The following RAP1GDS1 variants were observed in gnomAD, a reference collection of about 807,000 sequenced individuals.
RAP1GDS1 encodes Rap1 GTPase-GDP dissociation stimulator 1.
Under a neutral mutation model 71.1 loss-of-function variants are expected in RAP1GDS1, and 35 were observed. The ratio of observed to expected loss-of-function variants is 0.49; its 90% CI spans 0.38 to 0.65. The LOEUF (loss-of-function observed/expected upper bound fraction) is 0.65, where lower values mean the gene tolerates loss of function less well. Ranked by LOEUF, RAP1GDS1 falls within the 30% of genes least tolerant of loss-of-function variation. RAP1GDS1 has a pLI of 0.00. For synonymous variants in RAP1GDS1, 229 were observed against 243.1 expected (o/e 0.94, Z 0.54); for missense variants, 663 against 706.1 (o/e 0.94, Z 0.69).
chr4:98,409,092 G>GA (rs1746608275), intron 7 of RAP1GDS1, among the ~76,000 whole-genome samples: 2 of 152,170 alleles, frequency 1.3e-5, no homozygotes, highest in African/African-American at 4.8e-5. Context: ...TTTATGATGT[G>GA]ATTATGCATA....
intron 7 of RAP1GDS1, among the ~76,000 whole-genome samples, chr4:98,414,968 C>T (rs555699599): frequency 2.0e-5 from 3 of 152,072 alleles, no homozygotes; most frequent in African/African-American, 4.8e-5. Flanking sequence ...ATTTTATTCT[C>T]TTTGAAGCAA....
intron 2 of RAP1GDS1, among the ~76,000 whole-genome samples, chr4:98,303,660 A>AAT (rs1342829404): frequency 6.7e-6 from 1 of 148,288 alleles, no homozygotes; most frequent in Admixed American, 6.8e-5. Flanking sequence ...AATATAATAT[A>AAT]ATATAATTGG....
chr4:98,352,673 G>A lies in RAP1GDS1; in HGVS notation c.361+72G>A. 2.0e-6 allele frequency: 3 copies of A among 1,535,084 alleles called. No individual in the cohort carries two copies. The South Asian group carries it at 3.7e-5, about 19-fold the overall frequency. ...GATATTCAGACTAATCTGCTTTTGT[G>A]TTAGCAGTGACTTTTCTAGGCTAAA... On this transcript the variant is annotated intron_variant, in intron 4 of 14. Coordinates refer to ENST00000408927, the MANE Select transcript of RAP1GDS1 (RefSeq NM_001100427.2).
At position 98,443,160 on chromosome 4, in the gene RAP1GDS1, AGAAAG is replaced by A. The variant is rs1752097313; in HGVS notation, c.*1049_*1053del. On this transcript the variant is annotated 3_prime_UTR_variant, in exon 15 of 15. Coordinates refer to ENST00000408927, the MANE Select transcript of RAP1GDS1 (RefSeq NM_001100427.2). ...GAAGAAATAAGCTTGTCTAGACTAA[AGAAAG>A]GAAAGCAGGTTATAAAAGCCATAGT... 1 of 231,914 alleles carries A rather than the reference AGAAAG, an allele frequency of 4.3e-6. No individual in the cohort carries two copies. The highest frequency in any genetic ancestry group is 2.2e-5 in the African/African-American group (1 of 45,166). The allele number at this position is 231,914 out of a possible 1,614,324, so 14.4% of individuals were successfully genotyped here. A position where few individuals can be genotyped will look rare whatever the true frequency, so the allele number is the denominator to read the frequency against.
At position 98,312,417 on chromosome 4, in the gene RAP1GDS1, A is replaced by G. The variant is rs1159166582; in HGVS notation, c.112+18902A>G. On this transcript the variant is annotated intron_variant, in intron 2 of 14. Coordinates refer to ENST00000408927, the MANE Select transcript of RAP1GDS1 (RefSeq NM_001100427.2). ...TTGGTCCTATTTCTAGCTCCTAGAT[A>G]AACATACAATGTGCTTTCTCCCTAA... Among the ~76,000 whole-genome samples, 7 of 152,318 alleles carry G rather than the reference A, an allele frequency of 4.6e-5. No homozygotes were observed. In the East Asian group the frequency reaches 1.3e-3, roughly 29 times the overall value.
At chr4:98,309,273 ATTC>A (rs1233708356) in intron 2 of RAP1GDS1, among the ~76,000 whole-genome samples, 2 of 152,036 alleles carry the variant, frequency 1.3e-5, no homozygotes, top group African/African-American at 4.8e-5. Flanking sequence ...ATTGAAGTAA[ATTC>A]TTCTCCTTTG....
intron 4 of RAP1GDS1, among the ~76,000 whole-genome samples, chr4:98,375,770 A>T (rs902749485): frequency 1.3e-5 from 2 of 152,172 alleles, no homozygotes; most frequent in Non-Finnish European, 2.9e-5. Flanking sequence ...TCATTAAAAA[A>T]TTCTTGAGTA....
chr4:98,433,667 G>A (rs778837437), intron 12 of RAP1GDS1, among the ~76,000 whole-genome samples: 14 of 152,062 alleles, frequency 9.2e-5, no homozygotes, highest in Non-Finnish European at 1.6e-4. Flanking sequence ...TTACTTCTTT[G>A]GCTTTGGTAG....
At chr4:98,330,446 G>T (rs1248539519) in intron 2 of RAP1GDS1, among the ~76,000 whole-genome samples, 3 of 150,166 alleles carry the variant, frequency 2.0e-5, no homozygotes, top group African/African-American at 7.4e-5. Flanking sequence ...CCGGGCAGAG[G>T]CACTCCTCAC....
intron 1 of RAP1GDS1, among the ~76,000 whole-genome samples, chr4:98,274,916 T>C (rs72892355): frequency 0.019 from 2,952 of 152,166 alleles, 103 homozygotes; most frequent in African/African-American, 0.068. Flanking sequence ...CTGGAAACAT[T>C]GGTGGCTACA....
intron 1 of RAP1GDS1, among the ~76,000 whole-genome samples, chr4:98,279,876 G>A (rs1274413375): frequency 6.6e-6 from 1 of 152,162 alleles, no homozygotes; most frequent in Admixed American, 6.5e-5. Flanking sequence ...TTCTGTCCTT[G>A]TGATAGTTTG....
chr4:98,429,112 G>T (rs1750022703), intron 12 of RAP1GDS1, among the ~76,000 whole-genome samples: 1 of 152,104 alleles, frequency 6.6e-6, no homozygotes, highest in Admixed American at 6.5e-5. Flanking sequence ...CAAAAAATTA[G>T]CCAGGCATGG....
intron 1 of RAP1GDS1, among the ~76,000 whole-genome samples, chr4:98,282,442 G>A (rs1725261461): frequency 6.6e-6 from 1 of 152,116 alleles, no homozygotes; most frequent in African/African-American, 2.4e-5. Context: ...ATTTCTGTGG[G>A]ATCGGTGGTG....
intron 1 of RAP1GDS1, among the ~76,000 whole-genome samples, chr4:98,267,592 T>C (rs138571287): frequency 1.1e-3 from 174 of 152,274 alleles, no homozygotes; most frequent in African/African-American, 3.9e-3. Context: ...TGAGAACATG[T>C]GGTATTTGGA....
chr4:98,407,694 G>C (rs1018684065), intron 7 of RAP1GDS1, among the ~76,000 whole-genome samples: 5 of 152,094 alleles, frequency 3.3e-5, no homozygotes, highest in African/African-American at 1.2e-4. Context: ...AGATGAGGGG[G>C]TGAGGGGTAA....
At chr4:98,378,929 AAAG>A in intron 4 of RAP1GDS1, 85 bp from the exon 5 acceptor site, 1 of 1,214,916 alleles carries the variant, frequency 8.2e-7, no homozygotes, top group South Asian at 1.6e-5. Context: ...TTCACAAAAT[AAAG>A]AATAACACTG....
intron 2 of RAP1GDS1, among the ~76,000 whole-genome samples, chr4:98,314,043 A>G (rs1730621854): frequency 6.6e-6 from 1 of 152,016 alleles, no homozygotes; most frequent in Non-Finnish European, 1.5e-5. Flanking sequence ...TTTCTTTTCC[A>G]TGGTTAAGTG....
chr4:98,400,545 A>C (rs1334380721), intron 6 of RAP1GDS1, among the ~76,000 whole-genome samples: 10 of 151,988 alleles, frequency 6.6e-5, no homozygotes, highest in Admixed American at 2.0e-4. Context: ...AAAAAAAAAA[A>C]AACGGATACT....
intron 12 of RAP1GDS1, among the ~76,000 whole-genome samples, chr4:98,427,805 C>T (rs1002611058): frequency 6.6e-6 from 1 of 151,974 alleles, no homozygotes; most frequent in Non-Finnish European, 1.5e-5. Flanking sequence ...TCTACAAATT[C>T]GATGTAGGTC....
Sources: allele counts gnomAD v4.1 joint callset (sites outside exome capture counted in the v4.1 genomes callset), GRCh38; gene constraint gnomAD v4.1.1; transcripts MANE v1.5; gene names NCBI Gene and HGNC (gene_info 2026-07-23, HGNC 2026-07-21).